HS3ST3A1: variants seen among roughly 807,000 people sequenced by gnomAD.
HS3ST3A1 encodes heparan sulfate glucosamine 3-O-sulfotransferase 3A1.
HS3ST3A1 carries 19 observed loss-of-function variants against 25.7 expected under a neutral mutation model. The ratio of observed to expected loss-of-function variants is 0.74; its 90% CI spans 0.52 to 1.08. HS3ST3A1 has a LOEUF of 1.08. Ranked by LOEUF, HS3ST3A1 falls within the 50% of genes least tolerant of loss-of-function variation. HS3ST3A1 has a pLI of 0.00. For synonymous variants in HS3ST3A1, 226 were observed against 278.6 expected (o/e 0.81, Z 1.88); for missense variants, 459 against 594.3 (o/e 0.77, Z 2.37).
chr17:13,499,052 A>T (rs111389890), intron 1 of HS3ST3A1, among the ~76,000 whole-genome samples: 13 of 152,228 alleles, frequency 8.5e-5, no homozygotes, highest in African/African-American at 2.2e-4. Flanking sequence ...TTTGAAATAA[A>T]TGTGAACTTC....
chr17:13,527,857 T>G (rs1292694652), intron 1 of HS3ST3A1, among the ~76,000 whole-genome samples: 3 of 152,218 alleles, frequency 2.0e-5, no homozygotes, highest in Non-Finnish European at 4.4e-5. Flanking sequence ...AGGCTAATAT[T>G]TAAAGTGTCA....
In HS3ST3A1 at chr17:13,551,635, G is replaced by T. The variant is rs538476391; in HGVS notation, c.599+48896C>A. On this transcript the variant is annotated intron_variant, in intron 1 of 1. Transcript: ENST00000284110. ...TCCAAGAAAAAAAAAAGGGGGGGGG[G>T]TATTTTTACGTTATTTTGAATAAAT... Among the ~76,000 whole-genome samples, 325 of 143,442 alleles carry T rather than the reference G, an allele frequency of 2.3e-3. 2 individuals are homozygous for T. The highest frequency in any genetic ancestry group is 8.0e-3 in the African/African-American group (310 of 38,708). The allele number at this position is 143,442 out of a possible 152,430, so 94.1% of individuals were successfully genotyped here.
chr17:13,593,457 G>A (rs1038643102), intron 1 of HS3ST3A1, among the ~76,000 whole-genome samples: 4 of 152,104 alleles, frequency 2.6e-5, no homozygotes, highest in African/African-American at 7.2e-5. Flanking sequence ...TGCTTGGTTC[G>A]GAAACAAGAG....
intron 1 of HS3ST3A1, chr17:13,543,464 A>G (rs1321118492): frequency 2.4e-5 from 4 of 167,906 alleles, no homozygotes; most frequent in Non-Finnish European, 5.9e-5. Context: ...CAGTGCCACA[A>G]CTTCAACATT....
chr17:13,561,151 G>A (rs1248843751), intron 1 of HS3ST3A1, among the ~76,000 whole-genome samples: 1 of 152,106 alleles, frequency 6.6e-6, no homozygotes, highest in African/African-American at 2.4e-5. Flanking sequence ...AATCACTGGG[G>A]ACAGAACAAG....
chr17:13,509,992 C>G (rs1905809290), intron 1 of HS3ST3A1, among the ~76,000 whole-genome samples: 1 of 152,168 alleles, frequency 6.6e-6, no homozygotes, highest in African/African-American at 2.4e-5. Context: ...GGAATTCCCT[C>G]GTAGTGCTTC....
chr17:13,569,536 G>A (rs959229496), intron 1 of HS3ST3A1, among the ~76,000 whole-genome samples: 1 of 152,080 alleles, frequency 6.6e-6, no homozygotes, highest in Admixed American at 6.6e-5. Context: ...AGACTGCTGC[G>A]GCCTGTCAGC....
At chr17:13,566,452 A>G (rs756505449) in intron 1 of HS3ST3A1, among the ~76,000 whole-genome samples, 22 of 152,134 alleles carry the variant, frequency 1.4e-4, no homozygotes, top group Non-Finnish European at 2.8e-4. Context: ...TATCCCTACA[A>G]CGTTATAAAT....
intron 1 of HS3ST3A1, among the ~76,000 whole-genome samples, chr17:13,587,216 G>A (rs1038738388): frequency 1.3e-5 from 2 of 151,976 alleles, no homozygotes; most frequent in Non-Finnish European, 2.9e-5. Context: ...AGCACTTTGG[G>A]AGGCTGAGGT....
At chr17:13,550,468 A>G (rs1202609275) in intron 1 of HS3ST3A1, among the ~76,000 whole-genome samples, 1 of 152,088 alleles carries the variant, frequency 6.6e-6, no homozygotes, top group Non-Finnish European at 1.5e-5. Context: ...TGGCTGCTGG[A>G]ATGGAGCTGA....
intron 1 of HS3ST3A1, among the ~76,000 whole-genome samples, chr17:13,594,050 T>A (rs1190987217): frequency 2.0e-5 from 3 of 152,172 alleles, no homozygotes; most frequent in Admixed American, 6.5e-5. Flanking sequence ...TTTTGAAGGG[T>A]ACTGGTCAAG....
At position 13,571,029 on chromosome 17, in the gene HS3ST3A1, C is replaced by T. The variant is rs534225873; in HGVS notation, c.599+29502G>A. Among the ~76,000 whole-genome samples, 11 of 152,168 alleles carry T rather than the reference C, an allele frequency of 7.2e-5. No individual in the cohort carries two copies. In the East Asian group the frequency reaches 1.2e-3, roughly 16 times the overall value. On this transcript the variant is annotated intron_variant, in intron 1 of 1. Coordinates refer to ENST00000284110, the MANE Select transcript of HS3ST3A1 (RefSeq NM_006042.3). Reference sequence around the variant, plus strand: ...TACCAAGGCTGTCTTCTTAGGTGTCCGTAAACCTAGGGAATTCACAATTGT... The same window carrying T: ...TACCAAGGCTGTCTTCTTAGGTGTCTGTAAACCTAGGGAATTCACAATTGT...
intron 1 of HS3ST3A1, among the ~76,000 whole-genome samples, chr17:13,561,975 G>A (rs1907562040): frequency 6.6e-6 from 1 of 152,086 alleles, no homozygotes; most frequent in Non-Finnish European, 1.5e-5. Context: ...GCTGTCACTG[G>A]GCCCAGGAGC....
At chr17:13,596,698 G>A (rs1908587947) in intron 1 of HS3ST3A1, among the ~76,000 whole-genome samples, 1 of 152,010 alleles carries the variant, frequency 6.6e-6, no homozygotes, top group Non-Finnish European at 1.5e-5. Flanking sequence ...GAGCGCCCTT[G>A]GCCATCAGTC....
intron 1 of HS3ST3A1, among the ~76,000 whole-genome samples, chr17:13,565,212 T>G (rs1239115916): frequency 6.6e-6 from 1 of 152,158 alleles, no homozygotes; most frequent in African/African-American, 2.4e-5. Context: ...CTCAAATTAC[T>G]ATTGCAATCC....
intron 1 of HS3ST3A1, among the ~76,000 whole-genome samples, chr17:13,560,289 C>CAAAAAAGAAAAAAAAA (rs1907498226): frequency 5.8e-5 from 1 of 17,378 alleles, no homozygotes; most frequent in Non-Finnish European, 1.1e-4. Context: ...CACTCGTCTC[C>CAAAAAAGAAAAAAAAA]AAAAAAAAAA....
At chr17:13,548,915 T>C (rs1461861184) in intron 1 of HS3ST3A1, among the ~76,000 whole-genome samples, 1 of 152,074 alleles carries the variant, frequency 6.6e-6, no homozygotes. Context: ...AATGGACCAA[T>C]CAGTGCTCTG....
chr17:13,518,921 A>C (rs1906137470), intron 1 of HS3ST3A1, among the ~76,000 whole-genome samples: 1 of 152,196 alleles, frequency 6.6e-6, no homozygotes, highest in African/African-American at 2.4e-5. Context: ...CAGACTTATA[A>C]AATAAATAAC....
intron 1 of HS3ST3A1, among the ~76,000 whole-genome samples, chr17:13,502,590 C>T (rs1008932796): frequency 6.6e-6 from 1 of 152,170 alleles, no homozygotes. Context: ...CTTCACCCTC[C>T]CTCTGGAACT....
Sources: allele counts gnomAD v4.1 joint callset (sites outside exome capture counted in the v4.1 genomes callset), GRCh38; gene constraint gnomAD v4.1.1; transcripts MANE v1.5; gene names NCBI Gene and HGNC (gene_info 2026-07-23, HGNC 2026-07-21).